The following SPEN variants were observed in gnomAD, a reference collection of about 807,000 sequenced individuals.
SPEN encodes msx2-interacting protein.
In SPEN, 18 loss-of-function variants were observed where a neutral mutation model predicts 269.9. That is an observed-to-expected ratio of 0.07 (90% confidence interval 0.05 to 0.10). The LOEUF (loss-of-function observed/expected upper bound fraction) is 0.10, where lower values mean the gene tolerates loss of function less well. Ranked by LOEUF, SPEN falls within the 10% of genes least tolerant of loss-of-function variation. The pLI is 1.00. For synonymous variants in SPEN, 1,726 were observed against 1,765.7 expected (o/e 0.98, Z 0.56); for missense variants, 3,822 against 4,631.2 (o/e 0.83, Z 5.07).
At chr1:15,851,540 G>A (rs1344263762) in intron 1 of SPEN, among the ~76,000 whole-genome samples, 1 of 152,128 alleles carries the variant, frequency 6.6e-6, no homozygotes, top group Non-Finnish European at 1.5e-5. Flanking sequence ...ATTAGAATGA[G>A]CAAATGAATA....
At chr1:15,868,130 G>A (rs1211299205) in intron 1 of SPEN, among the ~76,000 whole-genome samples, 1 of 151,158 alleles carries the variant, frequency 6.6e-6, no homozygotes, top group South Asian at 2.1e-4. Flanking sequence ...ACTGCATCCG[G>A]CCCCAGCTAA....
At chr1:15,872,222 C>CAAAA (rs58028111) in intron 1 of SPEN, among the ~76,000 whole-genome samples, 3 of 62,156 alleles carry the variant, frequency 4.8e-5, no homozygotes, top group Non-Finnish European at 6.4e-5. Context: ...GACTCTGTCT[C>CAAAA]AAAAAAAAAA....
intron 1 of SPEN, among the ~76,000 whole-genome samples, chr1:15,853,817 T>G (rs1372061164): frequency 1.3e-5 from 2 of 152,022 alleles, no homozygotes; most frequent in Admixed American, 6.6e-5. Flanking sequence ...TACAGGCACT[T>G]GCCACCACAC....
At chr1:15,896,426 C>G (rs1165619013) in intron 3 of SPEN, among the ~76,000 whole-genome samples, 2 of 151,980 alleles carry the variant, frequency 1.3e-5, no homozygotes, top group African/African-American at 4.8e-5. Context: ...AAACTCCTGA[C>G]CTCAGGTTAT....
chr1:15,853,093 C>T (rs1357037963), intron 1 of SPEN, among the ~76,000 whole-genome samples: 1 of 152,222 alleles, frequency 6.6e-6, no homozygotes. Flanking sequence ...CTCAAGTGAT[C>T]CTCCCACCTT....
At chr1:15,864,341 G>A (rs1245139125) in intron 1 of SPEN, among the ~76,000 whole-genome samples, 1 of 151,896 alleles carries the variant, frequency 6.6e-6, no homozygotes, top group African/African-American at 2.4e-5. Context: ...GCTAAGTTTT[G>A]TACTTTTAGT....
Position 15,939,540 on chromosome 1 carries a change from A to G in SPEN, c.*113A>G, listed in dbSNP as rs2071315584. 7.5e-7 allele frequency: 1 copy of G among 1,332,360 alleles called. No individual in the cohort carries two copies. The highest frequency in any genetic ancestry group is 1.0e-6 in the Non-Finnish European group (1 of 1,004,826). 82.5% of individuals were successfully genotyped at this position (1,332,360 alleles called of 1,614,324 possible). On this transcript the variant is annotated 3_prime_UTR_variant, in exon 15 of 15. Coordinates refer to ENST00000375759, the MANE Select transcript of SPEN (RefSeq NM_015001.3). The surrounding 1 kb of genome is among the most constrained non-coding windows in gnomAD (Gnocchi z 4.1). ...GCCGAAGGGGACAGACTCCACTGCC[A>G]GACGGCCAGCCGTTTGCTGTCCTGC...
rs539859065 is a variant in SPEN at position 15,872,725 on chromosome 1, A to G, written c.84-91A>G. On this transcript the variant is annotated intron_variant, in intron 1 of 14. Coordinates refer to ENST00000375759, the MANE Select transcript of SPEN (RefSeq NM_015001.3). ...TCATTTTGCAGGTCGTCCCTCCTAC[A>G]TACATAACGCAAATTGTCCAAAAAA... 160 of 1,035,716 alleles carry G rather than the reference A, an allele frequency of 1.5e-4. 3 individuals are homozygous for G. In the South Asian group the frequency reaches 2.1e-3, roughly 13 times the overall value. The allele number at this position is 1,035,716 out of a possible 1,614,324, so 64.2% of individuals were successfully genotyped here. A position where few individuals can be genotyped will look rare whatever the true frequency, so the allele number is the denominator to read the frequency against.
At position 15,848,938 on chromosome 1, in the gene SPEN, G is replaced by A. The variant is rs912744971; in HGVS notation, c.83+788G>A. On this transcript the variant is annotated intron_variant, in intron 1 of 14. Coordinates refer to ENST00000375759, the MANE Select transcript of SPEN (RefSeq NM_015001.3). The surrounding 1 kb of genome is among the most constrained non-coding windows in gnomAD (Gnocchi z 5.1). The stretch of plus-strand genomic sequence containing the variant: ...TGGTGCCCCCCACCCCTGAATTCCC[G>A]AATCAAACGGTAAAACATTCCAAAC... Among the ~76,000 whole-genome samples the A allele has an allele frequency of 6.6e-6, 1 of 151,724 alleles. No individual in the cohort carries two copies. Among genetic ancestry groups the A allele is most frequent in the African/African-American group, 2.4e-5 (1 of 41,274 alleles).
At chr1:15,880,900 G>C (rs1042535467) in intron 3 of SPEN, among the ~76,000 whole-genome samples, 2 of 152,182 alleles carry the variant, frequency 1.3e-5, no homozygotes, top group African/African-American at 2.4e-5. Flanking sequence ...GGCTAGACAG[G>C]GAACACTGTG....
chr1:15,904,170 G>A (rs911662844), intron 3 of SPEN, among the ~76,000 whole-genome samples: 2 of 152,036 alleles, frequency 1.3e-5, no homozygotes, highest in African/African-American at 4.8e-5. Flanking sequence ...TGTAGTTTAG[G>A]TTAGCATATC....
chr1:15,920,353 C>A (rs1432886757), intron 8 of SPEN, among the ~76,000 whole-genome samples: 1 of 152,036 alleles, frequency 6.6e-6, no homozygotes, highest in Non-Finnish European at 1.5e-5. Context: ...ACAGGCACTG[C>A]GCCTGGCAGA....
chr1:15,901,382 C>T (rs920768690), intron 3 of SPEN, among the ~76,000 whole-genome samples: 6 of 151,336 alleles, frequency 4.0e-5, no homozygotes, highest in Non-Finnish European at 8.8e-5. Context: ...GTGGCTCATG[C>T]CTGTAATGAG....
intron 3 of SPEN, among the ~76,000 whole-genome samples, chr1:15,902,365 T>C (rs547253898): frequency 6.6e-6 from 1 of 152,298 alleles, no homozygotes; most frequent in South Asian, 2.1e-4. Context: ...ACAGTTGAAA[T>C]AGGGAAGGTC....
At chr1:15,881,281 T>C (rs1279903122) in intron 3 of SPEN, among the ~76,000 whole-genome samples, 2 of 152,176 alleles carry the variant, frequency 1.3e-5, no homozygotes, top group African/African-American at 4.8e-5. Flanking sequence ...TGGGTTTTAT[T>C]CTGTATGCAG....
intron 1 of SPEN, among the ~76,000 whole-genome samples, chr1:15,858,021 G>C (rs571440909): frequency 1.3e-5 from 2 of 152,246 alleles, no homozygotes; most frequent in East Asian, 3.9e-4. Flanking sequence ...CCAGCTACTT[G>C]GGAAGCTGAA....
intron 3 of SPEN, among the ~76,000 whole-genome samples, chr1:15,881,292 A>G (rs2070684949): frequency 6.6e-6 from 1 of 152,182 alleles, no homozygotes; most frequent in African/African-American, 2.4e-5. Flanking sequence ...CTGTATGCAG[A>G]GAGGGCCATT....
chr1:15,879,819 C>A (rs764535253), intron 3 of SPEN, among the ~76,000 whole-genome samples: 3 of 152,030 alleles, frequency 2.0e-5, no homozygotes, highest in African/African-American at 7.2e-5. Flanking sequence ...TACAGGCTCC[C>A]GCTACCACGC....
rs577136148 is a variant in SPEN, at chr1:15,885,817, T to C, written c.881+9139T>C. On this transcript the variant is annotated intron_variant, in intron 3 of 14. Transcript: ENST00000375759. ...AAATACACCAAAAAAACCCTTTTTT[T>C]CCCATCAGTGGCAGACAAACTGCAG... Among the ~76,000 whole-genome samples, 267 of 152,308 alleles carry C rather than the reference T, an allele frequency of 1.8e-3. 2 individuals carry two copies. The highest frequency in any genetic ancestry group is 2.7e-3 in the South Asian group (13 of 4,822).
Sources: gnomAD v4.1 joint callset for allele counts (sites outside exome capture counted in the v4.1 genomes callset) on GRCh38, gnomAD v4.1.1 for gene constraint, Gnocchi (gnomAD v3.1) non-coding constraint, MANE v1.5 for transcripts, NCBI Gene and HGNC (gene_info 2026-07-23, HGNC 2026-07-21) for gene names.